Variants in CADM2 observed in about 807,000 individuals in gnomAD.
The protein encoded by CADM2 is cell adhesion molecule 2, also known as immunoglobulin superfamily member 4D.
A neutral mutation model predicts 49.8 loss-of-function variants in CADM2; 12 were observed. That is an observed-to-expected ratio of 0.24 (90% confidence interval 0.15 to 0.39). CADM2 has a LOEUF of 0.39. CADM2 is among the 10% of genes least tolerant of loss of function. The pLI is 1.00. For missense variants in CADM2, 378 were observed against 492.3 expected, an observed-to-expected ratio of 0.77 and a Z score of 2.20; for synonymous variants, 214 against 175.4, an observed-to-expected ratio of 1.22 and a Z score of -1.74.
At chr3:86,002,129 A>G (rs971199354) in intron 8 of CADM2, among the ~76,000 whole-genome samples, 2 of 152,100 alleles carry the variant, frequency 1.3e-5, no homozygotes, top group Non-Finnish European at 2.9e-5. Context: ...AGTAGCTGGG[A>G]TTATTAATCA....
chr3:85,215,927 T>C (rs2041914567), intron 1 of CADM2, among the ~76,000 whole-genome samples: 2 of 152,108 alleles, frequency 1.3e-5, no homozygotes. Flanking sequence ...CCCCACACCA[T>C]GCAGACGCTG....
chr3:85,968,208 A>G (rs975517016), intron 8 of CADM2, among the ~76,000 whole-genome samples: 10 of 151,602 alleles, frequency 6.6e-5, no homozygotes, highest in African/African-American at 2.2e-4. Context: ...TCATTTCTGG[A>G]CATGAATAAG....
At chr3:85,224,303 T>C (rs1209276711) in intron 1 of CADM2, among the ~76,000 whole-genome samples, 1 of 151,116 alleles carries the variant, frequency 6.6e-6, no homozygotes, top group African/African-American at 2.4e-5. Context: ...TTCTCATTGA[T>C]TGATGGTATC....
At chr3:85,171,571 G>A (rs1215829901) in intron 1 of CADM2, among the ~76,000 whole-genome samples, 2 of 152,164 alleles carry the variant, frequency 1.3e-5, no homozygotes, top group Non-Finnish European at 2.9e-5. Context: ...GTGAGACACA[G>A]AAAGGCTTAA....
At chr3:85,468,153 CAAAAAAAAAAAAAA>C (rs57721920) in intron 1 of CADM2, among the ~76,000 whole-genome samples, 1 of 55,336 alleles carries the variant, frequency 1.8e-5, no homozygotes, top group Admixed American at 2.8e-4. Flanking sequence ...GACTCCGTCT[CAAAAAAAAAAAAAA>C]AAAAAAAAAA....
intron 7 of CADM2, among the ~76,000 whole-genome samples, chr3:85,942,331 TG>T (rs201070859): frequency 6.8e-5 from 10 of 147,650 alleles, no homozygotes; most frequent in African/African-American, 2.0e-4. Context: ...TGTTTTTTTT[TG>T]TTTGTTTGTT....
At chr3:86,014,384 A>T in intron 8 of CADM2, 1 of 1,467,616 alleles carries the variant, frequency 6.8e-7, no homozygotes. Flanking sequence ...GCTTGACTGT[A>T]GTACTGCATT....
At chr3:84,973,324 A>T (rs560305854) in intron 1 of CADM2, among the ~76,000 whole-genome samples, 1 of 152,152 alleles carries the variant, frequency 6.6e-6, no homozygotes. Context: ...CTTTACAACA[A>T]TGCTGTAAAC....
chr3:85,047,045 G>A (rs1295210278), intron 1 of CADM2, among the ~76,000 whole-genome samples: 1 of 152,032 alleles, frequency 6.6e-6, no homozygotes, highest in Admixed American at 6.6e-5. Flanking sequence ...ATTAAATCAA[G>A]GTATGTAATA....
intron 1 of CADM2, among the ~76,000 whole-genome samples, chr3:85,179,105 T>C (rs1181650868): frequency 6.6e-6 from 1 of 151,964 alleles, no homozygotes; most frequent in Non-Finnish European, 1.5e-5. Context: ...CAGTGATGCA[T>C]TAAGCAGCTA....
intron 1 of CADM2, among the ~76,000 whole-genome samples, chr3:85,721,701 C>G (rs2067509693): frequency 6.6e-6 from 1 of 152,198 alleles, no homozygotes; most frequent in Non-Finnish European, 1.5e-5. Context: ...CTTGGAGACT[C>G]TAGGAACTGC....
chr3:85,882,610 C>T (rs999073658), intron 3 of CADM2, among the ~76,000 whole-genome samples: 1 of 152,110 alleles, frequency 6.6e-6, no homozygotes, highest in East Asian at 1.9e-4. Context: ...CTTTTTAATG[C>T]TTTTGTTTTT....
intron 3 of CADM2, among the ~76,000 whole-genome samples, chr3:85,809,658 CCCTTCCTTCCTTCCTT>C (rs538027252): frequency 0.029 from 1,997 of 68,938 alleles, 99 homozygotes; most frequent in South Asian, 0.088. Context: ...AACATTTTCT[CCCTTCCTTCCTTCCTT>C]CCTTCCTTCC....
At chr3:85,642,070 A>T (rs766945358) in intron 1 of CADM2, among the ~76,000 whole-genome samples, 1 of 152,310 alleles carries the variant, frequency 6.6e-6, no homozygotes, top group African/African-American at 2.4e-5. Flanking sequence ...CAAAAAAAAG[A>T]AAAAGAAAAA....
intron 2 of CADM2, among the ~76,000 whole-genome samples, chr3:85,740,368 T>A (rs1397531583): frequency 6.6e-6 from 1 of 152,150 alleles, no homozygotes; most frequent in Non-Finnish European, 1.5e-5. Context: ...TAATGAACTC[T>A]TCCTGGCACT....
chr3:85,517,626 T>G (rs1230207121), intron 1 of CADM2, among the ~76,000 whole-genome samples: 1 of 152,204 alleles, frequency 6.6e-6, no homozygotes, highest in Non-Finnish European at 1.5e-5. Flanking sequence ...AGATTTTATT[T>G]TGTTCTTCAA....
chr3:85,821,705 A>C (rs1218776067), intron 3 of CADM2, among the ~76,000 whole-genome samples: 1 of 152,136 alleles, frequency 6.6e-6, no homozygotes, highest in Admixed American at 6.6e-5. Flanking sequence ...AACTAACCTT[A>C]TTCATGGAAC....
At chr3:85,680,849 A>G (rs2107656417) in intron 1 of CADM2, among the ~76,000 whole-genome samples, 1 of 152,288 alleles carries the variant, frequency 6.6e-6, no homozygotes, top group South Asian at 2.1e-4. Flanking sequence ...GGTCAGTTCA[A>G]GCTCATGTTC....
rs559468822 is a variant in CADM2, at chr3:85,735,685, A to G, written c.88+9137A>G. The stretch of plus-strand genomic sequence containing the variant: ...CACTGGAGGTAAAGTTATATCTAGT[A>G]GAATTTGCTGGCTGGAAGTAGGACA... On this transcript the variant is annotated intron_variant, in intron 2 of 9. Coordinates refer to ENST00000383699, the MANE Select transcript of CADM2 (RefSeq NM_001167675.2). Among the ~76,000 whole-genome samples, 9 of 152,288 alleles carry G rather than the reference A, an allele frequency of 5.9e-5. No homozygotes were observed. In the South Asian group the frequency reaches 1.9e-3, roughly 32 times the overall value.
Sources: gnomAD v4.1 joint callset for allele counts (sites outside exome capture counted in the v4.1 genomes callset) on GRCh38, gnomAD v4.1.1 for gene constraint, MANE v1.5 for transcripts, NCBI Gene and HGNC (gene_info 2026-07-23, HGNC 2026-07-21) for gene names.